The following NEBL variants were observed in gnomAD, a reference collection of about 807,000 sequenced individuals.
NEBL encodes the protein LIM and SH3 protein 2.
A neutral mutation model predicts 140.2 loss-of-function variants in NEBL; 122 were observed. That is an observed-to-expected ratio of 0.87 (90% CI 0.75 to 1.01). NEBL has a LOEUF of 1.01. Among genes scored for constraint, NEBL ranks in the 50% least tolerant of loss-of-function variants. The pLI is 0.00. For synonymous variants in NEBL, 436 were observed against 398.9 expected (o/e 1.09, Z -1.11); for missense variants, 1,365 against 1,231.3 (o/e 1.11, Z -1.62).
chr10:21,241,975 G>A (rs978682155), intron 3 of NEBL, among the ~76,000 whole-genome samples: 11 of 152,182 alleles, frequency 7.2e-5, no homozygotes, highest in African/African-American at 2.7e-4. Context: ...GCTGAGGTGT[G>A]TGGATCTCTT....
chr10:20,899,739 G>C (rs1847768245), upstream of NEBL: 1 of 233,752 alleles, frequency 4.3e-6, no homozygotes, highest in East Asian at 1.2e-4. Context: ...ATGTTGTTAT[G>C]CCAGGCACTG....
At chr10:21,121,794 G>A (rs1214103110) in intron 2 of NEBL, among the ~76,000 whole-genome samples, 1 of 152,184 alleles carries the variant, frequency 6.6e-6, no homozygotes, top group Non-Finnish European at 1.5e-5. Context: ...CCTGGAGATA[G>A]ATGTGTTTTG....
chr10:20,914,338 G>A (rs143708503), intron 4 of NEBL, among the ~76,000 whole-genome samples: 21 of 152,298 alleles, frequency 1.4e-4, no homozygotes, highest in Non-Finnish European at 2.5e-4. Context: ...AAAAGATACA[G>A]TGAACAAGAT....
chr10:20,855,245 GT>G lies in NEBL; in HGVS notation c.904-2597del, dbSNP rs951537145. 5.3e-4 allele frequency among the ~76,000 whole-genome samples: 77 copies of G among 144,356 alleles called. 1 individual carries two copies. Among genetic ancestry groups the G allele is most frequent in the East Asian group, 4.3e-3 (21 of 4,928 alleles). 94.7% of individuals were successfully genotyped at this position (144,356 alleles called of 152,430 possible). A position where few individuals can be genotyped will look rare whatever the true frequency, so the allele number is the denominator to read the frequency against. On this transcript the variant is annotated intron_variant, in intron 9 of 27. Transcript: ENST00000377122. ...TCCGTCTTAAAAAAAAAAAAAAAGT[GT>G]TTTTTTTTTAACCAGTTAAAATCTG...
At chr10:21,059,201 C>T (rs1251091145) in intron 2 of NEBL, among the ~76,000 whole-genome samples, 1 of 152,212 alleles carries the variant, frequency 6.6e-6, no homozygotes, top group Non-Finnish European at 1.5e-5. Flanking sequence ...TCTGTCATTG[C>T]TCTTATCATG....
At chr10:21,136,623 A>G (rs1839368313) in intron 2 of NEBL, among the ~76,000 whole-genome samples, 1 of 152,088 alleles carries the variant, frequency 6.6e-6, no homozygotes, top group African/African-American at 2.4e-5. Flanking sequence ...TCCCTGTCCT[A>G]TTTCAGCCTT....
intron 2 of NEBL, among the ~76,000 whole-genome samples, chr10:21,079,748 T>G (rs1270146133): frequency 6.6e-6 from 1 of 152,230 alleles, no homozygotes; most frequent in Non-Finnish European, 1.5e-5. Context: ...TGGCCAAGGC[T>G]GTTAATTTTC....
chr10:21,280,718 G>C (rs187233481), intron 1 of NEBL, among the ~76,000 whole-genome samples: 2 of 140,808 alleles, frequency 1.4e-5, no homozygotes, highest in Non-Finnish European at 1.5e-5. Context: ...AGGTTCAAGC[G>C]ATTCTCCTGC....
chr10:20,807,377 A>G (rs1321934751), intron 26 of NEBL, among the ~76,000 whole-genome samples: 3 of 152,182 alleles, frequency 2.0e-5, no homozygotes, highest in Non-Finnish European at 2.9e-5. Flanking sequence ...GACAGACACA[A>G]AAAGGGGAGA....
chr10:21,031,011 G>A (rs763020646), intron 2 of NEBL, among the ~76,000 whole-genome samples: 1 of 152,310 alleles, frequency 6.6e-6, no homozygotes, highest in South Asian at 2.1e-4. Flanking sequence ...AGGAAAAAGC[G>A]TGATGCCCAC....
intron 11 of NEBL, among the ~76,000 whole-genome samples, chr10:20,849,434 C>G (rs767341583): frequency 1.4e-4 from 21 of 152,160 alleles, no homozygotes; most frequent in Non-Finnish European, 2.4e-4. Flanking sequence ...CAACGCAACA[C>G]TGTTGGGGGG....
intron 1 of NEBL, among the ~76,000 whole-genome samples, chr10:21,254,195 C>G (rs981211440): frequency 6.6e-6 from 1 of 152,082 alleles, no homozygotes; most frequent in Admixed American, 6.6e-5. Flanking sequence ...TGGAGTTCAA[C>G]GGCATGATCA....
At chr10:20,924,128 T>C (rs2131510252) in intron 4 of NEBL, among the ~76,000 whole-genome samples, 1 of 152,154 alleles carries the variant, frequency 6.6e-6, no homozygotes, top group Non-Finnish European at 1.5e-5. Flanking sequence ...GCTAGGGAGA[T>C]TTTGCTCCCA....
intron 1 of NEBL, among the ~76,000 whole-genome samples, chr10:21,284,804 C>G (rs1843035572): frequency 6.6e-6 from 1 of 152,130 alleles, no homozygotes. Flanking sequence ...CATATTCAAG[C>G]CAACTGGTCT....
chr10:21,011,230 T>G (rs902663131), intron 3 of NEBL, among the ~76,000 whole-genome samples: 6 of 152,298 alleles, frequency 3.9e-5, no homozygotes, highest in Admixed American at 3.9e-4. Flanking sequence ...CCCAGATCGC[T>G]GGGTGGCTGG....
At chr10:21,193,694 G>C (rs546452244) in intron 3 of NEBL, among the ~76,000 whole-genome samples, 51 of 152,262 alleles carry the variant, frequency 3.3e-4, no homozygotes, top group African/African-American at 1.2e-3. Context: ...TATTGATTGA[G>C]GGCTTACTCA....
Position 21,173,793 on chromosome 10 carries a change from G to T in NEBL, c.41C>A (p.Pro14His). 1 of 1,612,970 alleles carries T rather than the reference G, an allele frequency of 6.2e-7. No individual in the cohort carries two copies. Residue 14 changes from proline (P) to histidine (H), a missense_variant, in exon 1 of 7, where the codon CCC (proline) becomes CAC (histidine). Coordinates refer to the NEBL transcript ENST00000417816. This position sits in a 1 kb window ranked among gnomAD's most constrained non-coding sequence, Gnocchi z 5.7. ...ATCCAGGCAGTTGACTTTCTCGGTG[G>T]GATACACGACTTTTCCGCAACGGGC... is the stretch of plus-strand genomic sequence containing the variant.
chr10:20,865,370 A>G (rs1844168501), intron 7 of NEBL, among the ~76,000 whole-genome samples: 1 of 152,172 alleles, frequency 6.6e-6, no homozygotes, highest in Non-Finnish European at 1.5e-5. Flanking sequence ...TGTTGCTGTC[A>G]TCCCTATTTT....
At chr10:21,248,824 T>C (rs1842551543) in intron 2 of NEBL, among the ~76,000 whole-genome samples, 1 of 152,036 alleles carries the variant, frequency 6.6e-6, no homozygotes. Flanking sequence ...TTGCCAATCT[T>C]TGTTGTTTTC....
Sources: gnomAD v4.1 joint callset for allele counts (sites outside exome capture counted in the v4.1 genomes callset) on GRCh38, gnomAD v4.1.1 for gene constraint, Gnocchi (gnomAD v3.1) non-coding constraint, MANE v1.5 for transcripts, NCBI Gene and HGNC (gene_info 2026-07-23, HGNC 2026-07-21) for gene names.